Variants in LYPLAL1 observed in about 807,000 individuals in gnomAD.
LYPLAL1 encodes lysophospholipase-like protein 1.
In LYPLAL1, 23 loss-of-function variants were observed where a neutral mutation model predicts 19.7. The observed-to-expected ratio is 1.17, with a 90% confidence interval of 0.84 to 1.65. LYPLAL1 has a LOEUF of 1.65. Ranked by LOEUF, LYPLAL1 falls within the 40% of genes most tolerant of loss-of-function variation. LYPLAL1 has a pLI of 0.00. For missense variants in LYPLAL1, 355 were observed against 279.4 expected, an observed-to-expected ratio of 1.27 and a Z score of -1.93; for synonymous variants, 119 against 96.3, an observed-to-expected ratio of 1.24 and a Z score of -1.38.
chr1:219,222,220 A>G, the LYPLAL1 span: 1 of 152,200 alleles, frequency 6.6e-6, no homozygotes, highest in East Asian at 1.9e-4. Flanking sequence ...GGAGAGTGAC[A>G]CTATGCAGTA....
the LYPLAL1 span, among the ~76,000 whole-genome samples, chr1:219,362,266 A>T: frequency 6.6e-6 from 1 of 152,158 alleles, no homozygotes; most frequent in African/African-American, 2.4e-5. Flanking sequence ...TAGGCTTCCT[A>T]TGATTTCTGC....
At chr1:219,303,626 T>C in the LYPLAL1 span, among the ~76,000 whole-genome samples, 1 of 152,214 alleles carries the variant, frequency 6.6e-6, no homozygotes, top group East Asian at 1.9e-4. Context: ...AAATACTATT[T>C]TATTGCCATA....
chr1:219,306,785 G>GATAGATAC, the LYPLAL1 span, among the ~76,000 whole-genome samples: 12 of 147,910 alleles, frequency 8.1e-5, no homozygotes, highest in Admixed American at 5.4e-4. Context: ...TAGATAGATA[G>GATAGATAC]ATACATAGAC....
chr1:219,352,187 A>G, the LYPLAL1 span, among the ~76,000 whole-genome samples: 1 of 152,210 alleles, frequency 6.6e-6, no homozygotes, highest in Non-Finnish European at 1.5e-5. Flanking sequence ...TAGCTCAGTG[A>G]CTTCACCTCT....
the LYPLAL1 span, among the ~76,000 whole-genome samples, chr1:219,256,142 CAT>C: frequency 6.6e-6 from 1 of 151,632 alleles, no homozygotes; most frequent in Non-Finnish European, 1.5e-5. Context: ...TTTATAATAA[CAT>C]ATTTGGCGGA....
downstream of LYPLAL1, among the ~76,000 whole-genome samples, chr1:219,213,121 A>G (rs1659159939): frequency 6.6e-6 from 1 of 152,028 alleles, no homozygotes; most frequent in African/African-American, 2.4e-5. Flanking sequence ...CATTTTCTAA[A>G]TGAATGTGTT....
chr1:219,337,146 TACATTGG>T, the LYPLAL1 span, among the ~76,000 whole-genome samples: 1 of 133,548 alleles, frequency 7.5e-6, no homozygotes, highest in Non-Finnish European at 1.8e-5. Context: ...ATCTCGTGAT[TACATTGG>T]GCATTGGATC....
At chr1:219,417,465 A>G in the LYPLAL1 span, among the ~76,000 whole-genome samples, 2 of 152,236 alleles carry the variant, frequency 1.3e-5, no homozygotes, top group Non-Finnish European at 2.9e-5. Flanking sequence ...TTTGAGGGCT[A>G]TCATTCTAAG....
chr1:219,266,869 T>C, the LYPLAL1 span, among the ~76,000 whole-genome samples: 2 of 152,170 alleles, frequency 1.3e-5, no homozygotes, highest in East Asian at 3.9e-4. Flanking sequence ...CTGATATCTT[T>C]CCCCAAAATT....
chr1:219,417,234 C>A, the LYPLAL1 span, among the ~76,000 whole-genome samples: 2 of 123,752 alleles, frequency 1.6e-5, no homozygotes, highest in African/African-American at 3.8e-5. Context: ...TTTCTATTGT[C>A]TTCTATTGTT....
the LYPLAL1 span, among the ~76,000 whole-genome samples, chr1:219,364,512 G>A: frequency 7.6e-5 from 10 of 132,084 alleles, no homozygotes; most frequent in South Asian, 2.8e-4. Flanking sequence ...ACTCTTTTTC[G>A]CATCTTGTTG....
At chr1:219,267,849 T>C in the LYPLAL1 span, among the ~76,000 whole-genome samples, 1 of 152,190 alleles carries the variant, frequency 6.6e-6, no homozygotes, top group African/African-American at 2.4e-5. Context: ...GAGGCCTCTA[T>C]ACGTATTTCT....
the LYPLAL1 span, among the ~76,000 whole-genome samples, chr1:219,227,846 T>TTCTCCAAGCTGATATTACA: frequency 6.6e-6 from 1 of 152,208 alleles, no homozygotes; most frequent in Non-Finnish European, 1.5e-5. Context: ...CTTGGATGCT[T>TTCTCCAAGCTGATATTACA]TGCAACAGCA....
chr1:219,382,553 A>C, the LYPLAL1 span, among the ~76,000 whole-genome samples: 4 of 152,112 alleles, frequency 2.6e-5, no homozygotes, highest in African/African-American at 4.8e-5. Context: ...CAGTAGAGAC[A>C]GGGTTTCACC....
the LYPLAL1 span, among the ~76,000 whole-genome samples, chr1:219,240,358 G>A: frequency 1.3e-5 from 2 of 152,086 alleles, no homozygotes; most frequent in African/African-American, 4.8e-5. Context: ...AAACTGACAT[G>A]ACAAAGTGAC....
the LYPLAL1 span, among the ~76,000 whole-genome samples, chr1:219,310,867 T>C: frequency 6.6e-6 from 1 of 152,264 alleles, no homozygotes; most frequent in Non-Finnish European, 1.5e-5. Flanking sequence ...TTGGAAAATT[T>C]AACTCTTAGT....
At chr1:219,398,341 T>G in the LYPLAL1 span, among the ~76,000 whole-genome samples, 2 of 152,252 alleles carry the variant, frequency 1.3e-5, no homozygotes, top group Non-Finnish European at 2.9e-5. Context: ...ACTTAGTCTA[T>G]TCTGCTACTA....
the LYPLAL1 span, among the ~76,000 whole-genome samples, chr1:219,374,477 T>A: frequency 2.0e-5 from 3 of 152,096 alleles, no homozygotes; most frequent in Admixed American, 6.5e-5. Flanking sequence ...GAAACCATCC[T>A]CCCATGATTA....
At chr1:219,213,122 T>A (rs959428273), downstream of LYPLAL1, among the ~76,000 whole-genome samples, 1 of 152,036 alleles carries the variant, frequency 6.6e-6, no homozygotes, top group Non-Finnish European at 1.5e-5. Flanking sequence ...ATTTTCTAAA[T>A]GAATGTGTTA....
Sources: gnomAD v4.1 joint callset for allele counts (sites outside exome capture counted in the v4.1 genomes callset) on GRCh38, gnomAD v4.1.1 for gene constraint, MANE v1.5 for transcripts, NCBI Gene and HGNC (gene_info 2026-07-23, HGNC 2026-07-21) for gene names.